NKAIN3: variants seen among roughly 807,000 people sequenced by gnomAD.
The protein encoded by NKAIN3 is sodium/potassium-transporting ATPase subunit beta-1-interacting protein 3.
In NKAIN3, 25 loss-of-function variants were observed where a neutral mutation model predicts 30.2. The observed-to-expected ratio is 0.83, with a 90% CI of 0.60 to 1.16. The LOEUF (loss-of-function observed/expected upper bound fraction) is 1.16. Among genes scored for constraint, NKAIN3 ranks in the 50% most tolerant of loss-of-function variants. The pLI, the probability that NKAIN3 is intolerant of heterozygous loss-of-function variation, is 0.00. For missense variants in NKAIN3, 225 were observed against 254.1 expected (o/e 0.89, Z 0.78); for synonymous variants, 91 against 89.6 (o/e 1.02, Z -0.09).
At chr8:62,532,402 C>T (rs532618513) in intron 1 of NKAIN3, among the ~76,000 whole-genome samples, 1 of 53,740 alleles carries the variant, frequency 1.9e-5, no homozygotes, top group South Asian at 8.4e-4. Context: ...AACGTCTATA[C>T]TTGTCCTGAA....
At chr8:62,249,272 T>G (rs1812007223) in intron 1 of NKAIN3, 145 bp downstream of exon 1, 4 of 678,956 alleles carry the variant, frequency 5.9e-6, no homozygotes, top group Non-Finnish European at 9.4e-6. Flanking sequence ...CCCCACCGCC[T>G]GGCTGGGCTC....
chr8:62,439,832 T>A (rs930411323), intron 1 of NKAIN3, among the ~76,000 whole-genome samples: 24 of 152,350 alleles, frequency 1.6e-4, no homozygotes, highest in African/African-American at 5.8e-4. Flanking sequence ...TGTTGGGTTC[T>A]GGGCATGTGC....
chr8:62,583,902 A>G (rs1810391575), intron 2 of NKAIN3, among the ~76,000 whole-genome samples: 1 of 152,200 alleles, frequency 6.6e-6, no homozygotes, highest in Non-Finnish European at 1.5e-5. Context: ...TCTGTTCACA[A>G]AAATTGCCTT....
At chr8:62,582,895 G>C (rs1156568003) in intron 2 of NKAIN3, among the ~76,000 whole-genome samples, 2 of 152,130 alleles carry the variant, frequency 1.3e-5, no homozygotes, top group African/African-American at 4.8e-5. Flanking sequence ...CAGGAGGGCT[G>C]AGAGTCTGCA....
At chr8:62,696,424 A>G (rs1208235318) in intron 3 of NKAIN3, among the ~76,000 whole-genome samples, 1 of 152,190 alleles carries the variant, frequency 6.6e-6, no homozygotes, top group Non-Finnish European at 1.5e-5. Context: ...CCTAGTAAGG[A>G]TTGGATTAAT....
chr8:62,399,470 T>C (rs1181507072), intron 1 of NKAIN3, among the ~76,000 whole-genome samples: 1 of 151,804 alleles, frequency 6.6e-6, no homozygotes, highest in Admixed American at 6.6e-5. Flanking sequence ...GCGCCACTGC[T>C]CTCCAGCCCA....
At chr8:62,802,664 C>G (rs1818112242) in intron 4 of NKAIN3, among the ~76,000 whole-genome samples, 1 of 152,256 alleles carries the variant, frequency 6.6e-6, no homozygotes, top group South Asian at 2.1e-4. Context: ...AAAATCATGC[C>G]AAATTGTAAA....
chr8:62,505,673 T>G (rs889913480), intron 1 of NKAIN3, among the ~76,000 whole-genome samples: 39 of 152,204 alleles, frequency 2.6e-4, no homozygotes, highest in African/African-American at 8.9e-4. Flanking sequence ...GATAGATCCA[T>G]ATCCAGTAGT....
chr8:62,755,994 G>C (rs1816439923), intron 4 of NKAIN3, among the ~76,000 whole-genome samples: 1 of 152,158 alleles, frequency 6.6e-6, no homozygotes, highest in African/African-American at 2.4e-5. Flanking sequence ...TCCATTTAGT[G>C]AGCTGTGATT....
chr8:62,459,033 G>A, intron 1 of NKAIN3, among the ~76,000 whole-genome samples: 1 of 148,104 alleles, frequency 6.8e-6, no homozygotes, highest in East Asian at 2.0e-4. Flanking sequence ...GGAGAAAAAG[G>A]TAGAGTTTAT....
At chr8:62,901,940 A>G (rs1486106244) in intron 4 of NKAIN3, among the ~76,000 whole-genome samples, 1 of 152,194 alleles carries the variant, frequency 6.6e-6, no homozygotes, top group African/African-American at 2.4e-5. Flanking sequence ...GTAAAAACAT[A>G]CCCTCAATGG....
At chr8:62,748,673 C>T (rs370583699) in intron 4 of NKAIN3, among the ~76,000 whole-genome samples, 1 of 152,128 alleles carries the variant, frequency 6.6e-6, no homozygotes, top group East Asian at 1.9e-4. Context: ...TCTAGAAAGA[C>T]TAAAGATCTG....
Position 62,647,468 on chromosome 8 carries a change from A to G in NKAIN3, c.273+57674A>G, listed in dbSNP as rs112779210. Among the ~76,000 whole-genome samples the G allele has an allele frequency of 6.2e-3, 951 of 152,288 alleles. 8 individuals are homozygous for G. The highest frequency in any genetic ancestry group is 0.021 in the African/African-American group (870 of 41,572). ...ACAGTATCTCTGATTAAGTGCTTTA[A>G]GTGCTGTGAGAACAAATCTACAGGT... is the stretch of plus-strand genomic sequence containing the variant. On this transcript the variant is annotated intron_variant, in intron 3 of 6. Coordinates refer to ENST00000623646, the MANE Select transcript of NKAIN3 (RefSeq NM_001304533.3).
In NKAIN3 at chr8:62,599,585, C is replaced by T. The variant is rs934279061; in HGVS notation, c.273+9791C>T. 3.3e-5 allele frequency among the ~76,000 whole-genome samples: 5 copies of T among 151,976 alleles called. No individual in the cohort carries two copies. In the South Asian group the frequency reaches 1.0e-3, roughly 31 times the overall value. Reference sequence around the variant, plus strand: ...TGGAGAAATTAACAGACATCACAATCCTCATCCTGAAAACCTTTGGGATGT... The same window carrying T: ...TGGAGAAATTAACAGACATCACAATTCTCATCCTGAAAACCTTTGGGATGT... On this transcript the variant is annotated intron_variant, in intron 3 of 6. Transcript: ENST00000623646.
chr8:62,753,944 C>A (rs1320165196), intron 4 of NKAIN3, among the ~76,000 whole-genome samples: 1 of 151,926 alleles, frequency 6.6e-6, no homozygotes, highest in African/African-American at 2.4e-5. Flanking sequence ...AATTTTAAGA[C>A]CATATATAAA....
At chr8:62,264,165 A>G (rs1334900643) in intron 1 of NKAIN3, among the ~76,000 whole-genome samples, 2 of 152,178 alleles carry the variant, frequency 1.3e-5, no homozygotes, top group South Asian at 2.1e-4. Flanking sequence ...AAATGAGGGA[A>G]TTCATATTGC....
At chr8:62,814,473 AG>A (rs1482559501) in intron 4 of NKAIN3, among the ~76,000 whole-genome samples, 1 of 152,038 alleles carries the variant, frequency 6.6e-6, no homozygotes, top group African/African-American at 2.4e-5. Flanking sequence ...TCGACCACAT[AG>A]TTGGAAGTAA....
chr8:62,506,973 G>T (rs892684176), intron 1 of NKAIN3, among the ~76,000 whole-genome samples: 1 of 152,128 alleles, frequency 6.6e-6, no homozygotes, highest in Admixed American at 6.5e-5. Flanking sequence ...AGAGCAAAAT[G>T]AAGCCATAAA....
At chr8:62,987,342 G>T (rs1824223747), downstream of NKAIN3, among the ~76,000 whole-genome samples, 1 of 152,130 alleles carries the variant, frequency 6.6e-6, no homozygotes, top group African/African-American at 2.4e-5. Flanking sequence ...TGCTTGGGAG[G>T]CTGAGGCATG....
Sources: allele counts gnomAD v4.1 joint callset (sites outside exome capture counted in the v4.1 genomes callset), GRCh38; gene constraint gnomAD v4.1.1; transcripts MANE v1.5; gene names NCBI Gene and HGNC (gene_info 2026-07-23, HGNC 2026-07-21).